The following RBMS3 variants were observed in gnomAD, a reference collection of about 807,000 sequenced individuals.
The protein encoded by RBMS3 is RNA binding motif single stranded interacting protein 3, also known as RNA-binding motif, single-stranded-interacting protein 3.
Under a neutral mutation model 66.8 loss-of-function variants are expected in RBMS3, and 27 were observed. The ratio of observed to expected loss-of-function variants is 0.40; its 90% confidence interval spans 0.30 to 0.56. The LOEUF (loss-of-function observed/expected upper bound fraction) is 0.56. RBMS3 is among the 20% of genes least tolerant of loss of function. The pLI is 0.40. For missense variants in RBMS3, 513 were observed against 549.5 expected (o/e 0.93, Z 0.66); for synonymous variants, 188 against 183.0 (o/e 1.03, Z -0.22).
intron 4 of RBMS3, among the ~76,000 whole-genome samples, chr3:29,643,863 C>T (rs1369853739): frequency 6.6e-6 from 1 of 152,092 alleles, no homozygotes; most frequent in Non-Finnish European, 1.5e-5. Flanking sequence ...AAAAGGAAAA[C>T]ACACACACAT....
At chr3:29,701,585 G>C (rs138928090) in intron 4 of RBMS3, among the ~76,000 whole-genome samples, 1 of 152,078 alleles carries the variant, frequency 6.6e-6, no homozygotes, top group African/African-American at 2.4e-5. Flanking sequence ...AGGGAGAGGC[G>C]CAGGTGGGAA....
chr3:29,851,777 C>T (rs562411775), intron 6 of RBMS3, among the ~76,000 whole-genome samples: 2 of 152,204 alleles, frequency 1.3e-5, no homozygotes, highest in African/African-American at 4.8e-5. Flanking sequence ...CCACATAAAG[C>T]CAGTTTCCTT....
chr3:29,550,603 A>G (rs1255156756), intron 3 of RBMS3, among the ~76,000 whole-genome samples: 1 of 152,186 alleles, frequency 6.6e-6, no homozygotes, highest in Non-Finnish European at 1.5e-5. Context: ...TGTAATATAT[A>G]GTATACAGTA....
At chr3:29,820,431 A>C (rs2058049041) in intron 6 of RBMS3, among the ~76,000 whole-genome samples, 3 of 151,884 alleles carry the variant, frequency 2.0e-5, no homozygotes, top group Non-Finnish European at 4.4e-5. Context: ...AGAGGATTGA[A>C]TCTATTTGAT....
intron 1 of RBMS3, among the ~76,000 whole-genome samples, chr3:29,363,898 A>G (rs766617008): frequency 8.5e-5 from 13 of 152,136 alleles, no homozygotes; most frequent in Non-Finnish European, 1.5e-4. Flanking sequence ...TAGGATAGAA[A>G]TTTAAAACAT....
At chr3:29,310,028 G>A (rs2034275473) in intron 1 of RBMS3, among the ~76,000 whole-genome samples, 1 of 151,772 alleles carries the variant, frequency 6.6e-6, no homozygotes, top group Admixed American at 6.6e-5. Context: ...GAAGGAGGAG[G>A]TGGCAGTGAA....
rs530236810 is a variant in RBMS3 at position 29,391,580 on chromosome 3, C to T, written c.76-43163C>T. ...AAGCTATTATAGTTATTAATACACT[C>T]TTAGCTATAAGCTGAGAGTATTCCT... On this transcript the variant is annotated intron_variant, in intron 1 of 14. Transcript: ENST00000383767. Among the ~76,000 whole-genome samples the T allele has an allele frequency of 5.3e-5, 8 of 152,290 alleles. No individual in the cohort carries two copies. In the South Asian group the frequency reaches 1.7e-3, roughly 32 times the overall value.
chr3:29,786,273 G>A lies in RBMS3; in HGVS notation c.637+23284G>A, dbSNP rs9818759. Reference sequence around the variant, plus strand: ...AAATGACCATACTGCCAAAGGCCATGTAAAAATTCAGTGCAATTCCCATCT... The same window carrying A: ...AAATGACCATACTGCCAAAGGCCATATAAAAATTCAGTGCAATTCCCATCT... On this transcript the variant is annotated intron_variant, in intron 6 of 14. Coordinates refer to ENST00000383767, the MANE Select transcript of RBMS3 (RefSeq NM_001003793.3). Among the ~76,000 whole-genome samples, 5 of 151,716 alleles carry A rather than the reference G, an allele frequency of 3.3e-5. No homozygotes were observed. In the East Asian group the frequency reaches 9.7e-4, roughly 29 times the overall value.
intron 12 of RBMS3, among the ~76,000 whole-genome samples, chr3:29,953,253 G>T (rs535709674): frequency 1.5e-4 from 23 of 151,984 alleles, no homozygotes; most frequent in African/African-American, 5.3e-4. Flanking sequence ...GAAGAAGAAA[G>T]AAGGGCTCGA....
At chr3:29,777,802 AT>A (rs1023917784) in intron 6 of RBMS3, among the ~76,000 whole-genome samples, 4 of 151,200 alleles carry the variant, frequency 2.6e-5, no homozygotes, top group East Asian at 1.9e-4. Flanking sequence ...CAACAATTAG[AT>A]TTTTTTTTCT....
intron 4 of RBMS3, among the ~76,000 whole-genome samples, chr3:29,659,085 G>C (rs530930069): frequency 1.9e-3 from 293 of 152,306 alleles, no homozygotes; most frequent in Admixed American, 3.5e-3. Context: ...CCGAAGTGCT[G>C]GGATTCGAGG....
intron 4 of RBMS3, among the ~76,000 whole-genome samples, chr3:29,698,899 A>G (rs989953678): frequency 6.6e-5 from 10 of 152,324 alleles, no homozygotes; most frequent in African/African-American, 2.2e-4. Flanking sequence ...TAATGGTAGC[A>G]TACTATTCAC....
chr3:29,889,062 C>T (rs2059939531), intron 8 of RBMS3, among the ~76,000 whole-genome samples: 1 of 151,728 alleles, frequency 6.6e-6, no homozygotes, highest in Admixed American at 6.6e-5. Context: ...CCTTTACTAA[C>T]TACAGAACAA....
chr3:29,943,135 G>A (rs2061431055), intron 11 of RBMS3, among the ~76,000 whole-genome samples: 1 of 151,766 alleles, frequency 6.6e-6, no homozygotes, highest in South Asian at 2.1e-4. Flanking sequence ...TTTGTGGCAA[G>A]GAGATGAAAG....
intron 12 of RBMS3, among the ~76,000 whole-genome samples, chr3:29,948,113 A>T (rs1240246382): frequency 6.6e-6 from 1 of 151,724 alleles, no homozygotes; most frequent in Non-Finnish European, 1.5e-5. Context: ...TGTTATCAGT[A>T]CAACTTCATG....
chr3:29,607,123 A>G (rs2048341357), intron 4 of RBMS3, among the ~76,000 whole-genome samples: 1 of 151,994 alleles, frequency 6.6e-6, no homozygotes. Flanking sequence ...TATTGGGTAC[A>G]TTTTAAATAT....
intron 1 of RBMS3, among the ~76,000 whole-genome samples, chr3:29,336,446 C>T (rs371373266): frequency 4.0e-5 from 6 of 151,664 alleles, no homozygotes; most frequent in South Asian, 4.2e-4. Context: ...ATTTTGCTTA[C>T]GTAATTTTAG....
intron 1 of RBMS3, among the ~76,000 whole-genome samples, chr3:29,393,635 G>T (rs77835653): frequency 5.9e-5 from 9 of 151,770 alleles, no homozygotes; most frequent in African/African-American, 2.2e-4. Context: ...CCAAACTATC[G>T]GGGGAAACAG....
At position 29,582,155 on chromosome 3, in the gene RBMS3, TAGATAGATAGATAGATAGATAGATA is replaced by T. The variant is rs146528905; in HGVS notation, c.308-4958_308-4934del. ...ATTCTTTGTAGAATTCCATTATAGA[TAGATAGATAGATAGATAGATAGATA>T]GATAGATAGATAGATACACACACAC... is the stretch of plus-strand genomic sequence containing the variant. On this transcript the variant is annotated intron_variant, in intron 3 of 14. Transcript: ENST00000383767. Among the ~76,000 whole-genome samples, 1,027 of 143,422 alleles carry T rather than the reference TAGATAGATAGATAGATAGATAGATA, an allele frequency of 7.2e-3. 30 individuals are homozygous for T. The highest frequency in any genetic ancestry group is 0.056 in the Admixed American group (821 of 14,752). 94.1% of individuals were successfully genotyped at this position (143,422 alleles called of 152,430 possible).
Sources: allele counts gnomAD v4.1 joint callset (sites outside exome capture counted in the v4.1 genomes callset), GRCh38; gene constraint gnomAD v4.1.1; transcripts MANE v1.5; gene names NCBI Gene and HGNC (gene_info 2026-07-23, HGNC 2026-07-21).